RSKR: variants seen among roughly 807,000 people sequenced by gnomAD.
RSKR encodes ribosomal protein S6 kinase-related protein.
A neutral mutation model predicts 56.8 loss-of-function variants in RSKR; 44 were observed. That is an observed-to-expected ratio of 0.77 (90% CI 0.61 to 1.00). The LOEUF (loss-of-function observed/expected upper bound fraction) is 1.00, where lower values mean the gene tolerates loss of function less well. RSKR is among the 50% of genes least tolerant of loss of function. The pLI, the probability that RSKR is intolerant of heterozygous loss-of-function variation, is 0.00. For missense variants in RSKR, 510 were observed against 506.9 expected (o/e 1.01, Z -0.06); for synonymous variants, 181 against 188.0 (o/e 0.96, Z 0.30).
At chr17:28,612,726 G>A (rs778442015) in intron 4 of RSKR, 39 bp from the exon 5 acceptor site, 1 of 1,600,438 alleles carries the variant, frequency 6.2e-7, no homozygotes, top group Admixed American at 1.7e-5. Flanking sequence ...GAGGAACAGG[G>A]TCATTGAGAA....
rs573488763 is a variant in RSKR, at chr17:28,611,271, G to A, written c.901-18C>T. ...ACTGGAAACTGAGTTAAGAGGTAGG[G>A]AGTGGAGGTAGGGGTAGGGGTTCAT... On this transcript the variant is annotated intron_variant, in intron 10 of 11. Coordinates refer to ENST00000301037, the MANE Select transcript of RSKR (RefSeq NM_001174103.2). 3 of 1,534,668 alleles carry A rather than the reference G, an allele frequency of 2.0e-6. No individual in the cohort carries two copies. The East Asian group carries it at 7.3e-5, about 38-fold the overall frequency.
In RSKR at chr17:28,611,633, CAA is replaced by C; in HGVS notation, c.743_744del (p.Phe248TrpfsTer37). ...DERGHLKLTD[F>X]GLSRHVPQGA... ...CCCTGGGGCACGTGGCGGGACAGAC[CAA>C]AGTCTGTCAGTTTCAGATGGCCTAT... is the stretch of plus-strand genomic sequence containing the variant. On this transcript the variant is annotated frameshift_variant, in exon 9 of 12. Transcript: ENST00000301037. LOFTEE classifies it high-confidence loss of function. The C allele has an allele frequency of 6.3e-7, 1 of 1,580,666 alleles. No homozygotes were observed. The highest frequency in any genetic ancestry group is 1.2e-5 in the South Asian group (1 of 83,540).
rs767737578 is a variant in RSKR at position 28,612,309 on chromosome 17, G to A, written c.605C>T (p.Pro202Leu). The A allele has an allele frequency of 1.9e-6, 3 of 1,614,088 alleles. No individual in the cohort carries two copies. The highest frequency in any genetic ancestry group is 2.5e-6 in the Non-Finnish European group (3 of 1,180,040). The change falls in exon 6 of 12, where the codon CCT becomes CTT. Residue 202 changes from proline (P) to leucine (L), a missense_variant. Transcript: ENST00000301037. ...YSLWSAVGCFPEASIRLFAAE... is the reference protein window; with the variant it reads ...YSLWSAVGCFLEASIRLFAAE... ...AGCAAAGAGACGGATGGAAGCCTCA[G>A]GAAAGCAGCCAACAGCCGACCAAAG...
At position 28,613,128 on chromosome 17, in the gene RSKR, C is replaced by T. The variant is rs1240902186; in HGVS notation, c.427G>A (p.Val143Ile). The change falls in exon 4 of 12, where the codon GTC becomes ATC. Residue 143 changes from valine (V) to isoleucine (I), a missense_variant. Val to Ile is a conservative substitution (Grantham distance 29). Transcript: ENST00000301037. ...TGCCTCACGGTATCCCTCTGTAGGA[C>T]CTTTACCTTGGGCACCACCTATAAA... ...FAVKVVPKVK[V>I]LQRDTVRQCK... The T allele has an allele frequency of 6.2e-7, 1 of 1,613,868 alleles. No individual in the cohort carries two copies. The highest frequency in any genetic ancestry group is 8.5e-7 in the Non-Finnish European group (1 of 1,180,024).
intron 1 of RSKR, 77 bp from the exon 2 acceptor site, chr17:28,613,765 C>T: frequency 6.3e-7 from 1 of 1,581,384 alleles, no homozygotes. Flanking sequence ...TAGGCACTCC[C>T]TCCCCTTAAG....
chr17:28,608,444 T>A lies in RSKR; in HGVS notation c.*2034A>T, dbSNP rs1481806081. 6.6e-6 allele frequency: 1 copy of A among 152,204 alleles called. No individual in the cohort carries two copies. The highest frequency in any genetic ancestry group is 1.5e-5 in the Non-Finnish European group (1 of 68,050). 9.4% of individuals were successfully genotyped at this position (152,204 alleles called of 1,614,324 possible). A position where few individuals can be genotyped will look rare whatever the true frequency, so the allele number is the denominator to read the frequency against. On this transcript the variant is annotated 3_prime_UTR_variant, in exon 12 of 12. Coordinates refer to ENST00000301037, the MANE Select transcript of RSKR (RefSeq NM_001174103.2). ...ATCTTCACTCATTGCAACCTCCATC[T>A]CCTGGGTTCAAGCAATTCTTCCCCC...
rs1370113970 is a variant in RSKR, at chr17:28,610,196, G to C, written c.*282C>G. 12 of 373,386 alleles carry C rather than the reference G, an allele frequency of 3.2e-5. No homozygotes were observed. Among genetic ancestry groups the C allele is most frequent in the African/African-American group, 2.4e-4 (12 of 49,676 alleles). The allele number at this position is 373,386 out of a possible 1,614,324, so 23.1% of individuals were successfully genotyped here. On this transcript the variant is annotated 3_prime_UTR_variant, in exon 12 of 12. Coordinates refer to ENST00000301037, the MANE Select transcript of RSKR (RefSeq NM_001174103.2). ...CAGAAGCAGCTCTGGCTGACAGCCT[G>C]AGGGTAAAGAGCACTGGAGAAGTAA...
rs745720881 is a variant in RSKR at position 28,613,346 on chromosome 17, CTG to C, written c.325-3_325-2del. The stretch of plus-strand genomic sequence containing the variant: ...AGCCTTTAGCCACGAGGCCTAAAAT[CTG>C]TACAGAGGAATGGAGAACAGGCCAG... On this transcript the variant is annotated splice_acceptor_variant and splice_polypyrimidine_tract_variant and intron_variant, in intron 2 of 11. Transcript: ENST00000301037. LOFTEE classifies it high-confidence loss of function. 4 of 1,614,228 alleles carry C rather than the reference CTG, an allele frequency of 2.5e-6. No individual in the cohort carries two copies. Among genetic ancestry groups the C allele is most frequent in the Non-Finnish European group, 3.4e-6 (4 of 1,180,038 alleles).
At position 28,608,423 on chromosome 17, in the gene RSKR, T is replaced by C. The variant is rs1008124247; in HGVS notation, c.*2055A>G. ...CAGGCTGGATGCAGTGGCACGATCT[T>C]CACTCATTGCAACCTCCATCTCCTG... On this transcript the variant is annotated 3_prime_UTR_variant, in exon 12 of 12. Transcript: ENST00000301037. 1.3e-5 allele frequency: 2 copies of C among 152,220 alleles called. No individual in the cohort carries two copies. The highest frequency in any genetic ancestry group is 2.9e-5 in the Non-Finnish European group (2 of 68,056). The allele number at this position is 152,220 out of a possible 1,614,324, so 9.4% of individuals were successfully genotyped here. A position where few individuals can be genotyped will look rare whatever the true frequency, so the allele number is the denominator to read the frequency against.
At chr17:28,613,814 A>C (rs758562271) in intron 1 of RSKR, 126 bp from the exon 2 acceptor site, 21 of 1,345,470 alleles carry the variant, frequency 1.6e-5, no homozygotes, top group Admixed American at 2.5e-5. Flanking sequence ...CATGAGGCAA[A>C]ATTCCCATTA....
chr17:28,611,678 C>T, intron 8 of RSKR, 22 bp from the exon 9 acceptor site: 2 of 1,608,768 alleles, frequency 1.2e-6, no homozygotes, highest in East Asian at 2.2e-5. Flanking sequence ...GGTAAGGCAA[C>T]TGCACCACTG....
At chr17:28,611,839 A>C in intron 7 of RSKR, 44 bp from the exon 8 acceptor site, 3 of 1,613,606 alleles carry the variant, frequency 1.9e-6, no homozygotes, top group South Asian at 2.2e-5. Flanking sequence ...CTTCCTTTCA[A>C]CTCTCTTTCA....
chr17:28,612,789 T>C lies in RSKR; in HGVS notation c.478-102A>G, dbSNP rs866738651. ...CCCAGATGTGCAGAGGGGGAACTGCTGCCTCACCTCTCAGTTCAGAGGAAC... is the reference window on the plus strand; with the variant it reads ...CCCAGATGTGCAGAGGGGGAACTGCCGCCTCACCTCTCAGTTCAGAGGAAC... On this transcript the variant is annotated intron_variant, in intron 4 of 11. Transcript: ENST00000301037. 6.4e-6 allele frequency: 7 copies of C among 1,092,434 alleles called. No homozygotes were observed. In the Middle Eastern group the frequency reaches 1.2e-3, roughly 183 times the overall value. 67.7% of individuals were successfully genotyped at this position (1,092,434 alleles called of 1,614,324 possible).
rs1371577988 is a variant in RSKR, at chr17:28,612,298, T to C, written c.616A>G (p.Ile206Val). 2 of 1,614,066 alleles carry C rather than the reference T, an allele frequency of 1.2e-6. No individual in the cohort carries two copies. The highest frequency in any genetic ancestry group is 1.7e-6 in the Non-Finnish European group (2 of 1,180,026). ...SAVGCFPEAS[I>V]RLFAAELVLV... ...ACCAACTCGGCAGCAAAGAGACGGA[T>C]GGAAGCCTCAGGAAAGCAGCCAACA... The change falls in exon 6 of 12, where the codon ATC becomes GTC. Residue 206 changes from isoleucine (I) to valine (V), a missense_variant. Ile to Val is a conservative substitution (Grantham distance 29). Transcript: ENST00000301037.
Position 28,611,257 on chromosome 17 carries a change from A to T in RSKR, c.901-4T>A. 6.5e-7 allele frequency: 1 copy of T among 1,535,658 alleles called. No homozygotes were observed. The highest frequency in any genetic ancestry group is 8.7e-7 in the Non-Finnish European group (1 of 1,146,404). On this transcript the variant is annotated splice_region_variant and splice_polypyrimidine_tract_variant and intron_variant, in intron 10 of 11. Coordinates refer to ENST00000301037, the MANE Select transcript of RSKR (RefSeq NM_001174103.2). ...CTCTCTCTGCAGCCACTGGAAACTG[A>T]GTTAAGAGGTAGGGAGTGGAGGTAG...
chr17:28,612,467 C>T, intron 5 of RSKR, 101 bp from the exon 6 acceptor site: 1 of 1,380,044 alleles, frequency 7.2e-7, no homozygotes, highest in Admixed American at 1.9e-5. Context: ...CCTGCCCAAA[C>T]TGATACCACC....
chr17:28,612,184 A>G (rs2070825260), intron 6 of RSKR, 78 bp downstream of exon 6: 3 of 1,578,860 alleles, frequency 1.9e-6, no homozygotes, highest in Non-Finnish European at 2.6e-6. Flanking sequence ...AACTTCCATT[A>G]TTAATATTAA....
chr17:28,610,838 A>G, intron 11 of RSKR, 139 bp from the exon 12 acceptor site: 6 of 891,872 alleles, frequency 6.7e-6, no homozygotes, highest in Non-Finnish European at 1.0e-5. Context: ...TTTGTAAAAG[A>G]GGGAGAAATA....
Position 28,612,660 on chromosome 17 carries a change from T to C in RSKR, c.505A>G (p.Ser169Gly). 1 of 1,614,148 alleles carries C rather than the reference T, an allele frequency of 6.2e-7. No homozygotes were observed. The highest frequency in any genetic ancestry group is 8.5e-7 in the Non-Finnish European group (1 of 1,180,028). Reference protein sequence around the residue: ...QRQINHPFVHSLGDSWQGKRH... With the variant: ...QRQINHPFVHGLGDSWQGKRH... ...TTTCCCTGCCAGCTGTCCCCCAAGC[T>C]GTGTACAAAGGGATGGTTGATCTGT... The change falls in exon 5 of 12, where the codon AGC becomes GGC. Residue 169 changes from serine (S) to glycine (G), a missense_variant. By Grantham distance (56) the Ser-to-Gly change is moderately conservative (BLOSUM62 0). Transcript: ENST00000301037.
Sources: gnomAD v4.1 joint callset for allele counts on GRCh38, gnomAD v4.1.1 for gene constraint, MANE v1.5 for transcripts, NCBI Gene and HGNC (gene_info 2026-07-23, HGNC 2026-07-21) for gene names.